The following PPAT variants were observed in gnomAD, a reference collection of about 807,000 sequenced individuals.
The protein encoded by PPAT is amidophosphoribosyltransferase.
Under a neutral mutation model 60.2 loss-of-function variants are expected in PPAT, and 20 were observed. The ratio of observed to expected loss-of-function variants is 0.33; its 90% confidence interval spans 0.23 to 0.48. The LOEUF (loss-of-function observed/expected upper bound fraction) is 0.48. Among genes scored for constraint, PPAT ranks in the 20% least tolerant of loss-of-function variants. PPAT has a pLI of 0.99. For synonymous variants in PPAT, 194 were observed against 215.1 expected, an observed-to-expected ratio of 0.90 and a Z score of 0.86; for missense variants, 349 against 629.6, an observed-to-expected ratio of 0.55 and a Z score of 4.77.
intron 1 of PPAT, among the ~76,000 whole-genome samples, chr4:56,411,856 T>C (rs544721903): frequency 6.6e-6 from 1 of 152,298 alleles, no homozygotes; most frequent in South Asian, 2.1e-4. Context: ...CTGGTTAACT[T>C]AAGTTAGCTA....
intron 1 of PPAT, chr4:56,408,408 T>C (rs1578118617): frequency 1.6e-5 from 2 of 128,816 alleles, no homozygotes; most frequent in South Asian, 2.6e-4. Flanking sequence ...CACTCCAGCC[T>C]GGGCGACAGA....
At chr4:56,403,231 T>A (rs750392937) in intron 4 of PPAT, 46 bp from the exon 5 acceptor site, 1 of 1,597,580 alleles carries the variant, frequency 6.3e-7, no homozygotes, top group Non-Finnish European at 8.6e-7. Flanking sequence ...GTTATAAACA[T>A]ATGCAAGGCA....
chr4:56,426,631 T>A (rs1052424449), intron 1 of PPAT, among the ~76,000 whole-genome samples: 4 of 152,196 alleles, frequency 2.6e-5, no homozygotes, highest in African/African-American at 9.7e-5. Flanking sequence ...CTGAATAATA[T>A]TCCAATTTAC....
Position 56,407,726 on chromosome 4 carries a change from TAAA to T in PPAT, c.129-13_129-11del. 6.3e-7 allele frequency: 1 copy of T among 1,586,656 alleles called. No homozygotes were observed. Among genetic ancestry groups the T allele is most frequent in the South Asian group, 1.1e-5 (1 of 90,506 alleles). ...AGCACTCTCCTGACCCCTGTGAATA[TAAA>T]AAGATATTAGCTGTTAAATCTGCCA... On this transcript the variant is annotated splice_polypyrimidine_tract_variant and intron_variant, in intron 1 of 10. Transcript: ENST00000264220.
At chr4:56,416,604 T>C (rs148746499) in intron 1 of PPAT, among the ~76,000 whole-genome samples, 54 of 152,364 alleles carry the variant, frequency 3.5e-4, no homozygotes, top group East Asian at 2.1e-3. Flanking sequence ...CTAAAGCAAA[T>C]GATTTCCTTA....
rs189560580 is a variant in PPAT at position 56,413,446 on chromosome 4, T to C, written c.129-5730A>G. Among the ~76,000 whole-genome samples, 11 of 151,962 alleles carry C rather than the reference T, an allele frequency of 7.2e-5. No individual in the cohort carries two copies. In the East Asian group the frequency reaches 2.2e-3, roughly 30 times the overall value. On this transcript the variant is annotated intron_variant, in intron 1 of 10. Coordinates refer to ENST00000264220, the MANE Select transcript of PPAT (RefSeq NM_002703.5). ...CTGGCATTACAGGCCTGAGGCACCATGTCTGGCCATTACTTTGAAACATTA... is the reference window on the plus strand; with the variant it reads ...CTGGCATTACAGGCCTGAGGCACCACGTCTGGCCATTACTTTGAAACATTA...
chr4:56,417,762 T>C (rs186411811), intron 1 of PPAT, among the ~76,000 whole-genome samples: 34 of 151,964 alleles, frequency 2.2e-4, no homozygotes, highest in African/African-American at 7.7e-4. Context: ...CTCCAGCCTG[T>C]GCAACAGAGT....
At chr4:56,429,029 T>G in intron 1 of PPAT, 1 of 838,640 alleles carries the variant, frequency 1.2e-6, no homozygotes, top group Non-Finnish European at 1.4e-6. Flanking sequence ...AAATAACAAG[T>G]TCTTCCACAC....
chr4:56,427,910 T>TCA (rs1185608102), intron 1 of PPAT, among the ~76,000 whole-genome samples: 2 of 152,170 alleles, frequency 1.3e-5, no homozygotes. Context: ...ATACCTGAGT[T>TCA]GGTAGAGAAT....
In PPAT at chr4:56,435,339, CT is replaced by C; in HGVS notation, c.128+10del. On this transcript the variant is annotated intron_variant, in intron 1 of 10. Transcript: ENST00000264220. ...GACGCACGCCCCCGCCACCCCCACC[CT>C]GTTGCTCACCGGTGCTGCAGCCCCA... 1 of 1,613,650 alleles carries C rather than the reference CT, an allele frequency of 6.2e-7. No homozygotes were observed. The highest frequency in any genetic ancestry group is 8.5e-7 in the Non-Finnish European group (1 of 1,179,706).
intron 7 of PPAT, 35 bp downstream of exon 7, chr4:56,401,295 T>A: frequency 6.5e-7 from 1 of 1,530,560 alleles, no homozygotes. Flanking sequence ...GCTAAAACAT[T>A]TATATGAATG....
At position 56,396,609 on chromosome 4, in the gene PPAT, T is replaced by G. The variant is rs376043196; in HGVS notation, c.1357+10A>C. The G allele has an allele frequency of 4.4e-6, 7 of 1,596,050 alleles. 1 individual carries two copies. In the South Asian group the frequency reaches 5.6e-5, roughly 13 times the overall value. ...TAATAATCAAAGTTTATAGAAATTT[T>G]AATACTTACCTAGATATTCTGCAAG... is the stretch of plus-strand genomic sequence containing the variant. On this transcript the variant is annotated intron_variant, in intron 10 of 10. Coordinates refer to ENST00000264220, the MANE Select transcript of PPAT (RefSeq NM_002703.5). This position sits in a 1 kb window ranked among gnomAD's most constrained non-coding sequence, Gnocchi z 4.6.
At chr4:56,419,080 A>ATT (rs1716913080) in intron 1 of PPAT, among the ~76,000 whole-genome samples, 1 of 152,230 alleles carries the variant, frequency 6.6e-6, no homozygotes, top group African/African-American at 2.4e-5. Flanking sequence ...TACACATTAG[A>ATT]TTCACAGTCT....
intron 1 of PPAT, among the ~76,000 whole-genome samples, chr4:56,419,435 T>A (rs1486260332): frequency 1.3e-5 from 2 of 152,186 alleles, no homozygotes; most frequent in African/African-American, 2.4e-5. Context: ...ACCGGCATAA[T>A]AATGGACAGA....
chr4:56,414,458 A>T (rs1716617921), intron 1 of PPAT: 3 of 152,214 alleles, frequency 2.0e-5, no homozygotes, highest in Admixed American at 2.0e-4. Context: ...CCTTTGGCCT[A>T]TGGCTGCCAA....
chr4:56,406,382 G>C (rs1016643470), intron 3 of PPAT, 113 bp downstream of exon 3: 8 of 1,075,122 alleles, frequency 7.4e-6, no homozygotes, highest in African/African-American at 3.2e-5. Context: ...GTTGCAGTTA[G>C]GTAACAGGTA....
At chr4:56,427,435 A>C (rs925672734) in intron 1 of PPAT, among the ~76,000 whole-genome samples, 2 of 152,216 alleles carry the variant, frequency 1.3e-5, no homozygotes, top group Non-Finnish European at 2.9e-5. Flanking sequence ...GTTTTCCACC[A>C]TGACTTCACC....
rs555078164 is a variant in PPAT, at chr4:56,435,383, A to G, written c.95T>C (p.Val32Ala). The change falls in exon 1 of 11, where the codon GTG becomes GCG. Residue 32 changes from valine (V) to alanine (A), a missense_variant. Physicochemically the swap from Val to Ala is moderately conservative, Grantham distance 64. This residue lies in a region of PPAT where 115 missense variants were observed against 174.5 expected (regional missense o/e 0.66). Transcript: ENST00000264220. ...EWPTQLDVPH[V>A]ITLGLVGLQH... ...CAGCCCCACGAGTCCCAGAGTGATC[A>G]CATGCGGTACATCCAGCTGCGTGGG... The G allele has an allele frequency of 9.7e-5, 157 of 1,613,396 alleles. No individual in the cohort carries two copies. Among genetic ancestry groups the G allele is most frequent in the Non-Finnish European group, 1.3e-4 (150 of 1,179,768 alleles).
intron 4 of PPAT, 32 bp downstream of exon 4, chr4:56,403,257 G>A: frequency 6.3e-7 from 1 of 1,598,392 alleles, no homozygotes; most frequent in Non-Finnish European, 8.6e-7. Context: ...CTCCTTACTA[G>A]AGCTCTAAGT....
Sources: gnomAD v4.1 joint callset for allele counts (sites outside exome capture counted in the v4.1 genomes callset) on GRCh38, gnomAD v4.1.1 for gene constraint, gnomAD v4.1.1 regional missense constraint, Gnocchi (gnomAD v3.1) non-coding constraint, MANE v1.5 for transcripts, NCBI Gene and HGNC (gene_info 2026-07-23, HGNC 2026-07-21) for gene names.